The following FBXW11 variants were observed in gnomAD, a reference collection of about 807,000 sequenced individuals.
FBXW11 encodes the protein F-box and WD repeat domain containing 11.
FBXW11 carries 19 observed loss-of-function variants against 77.6 expected under a neutral mutation model. That is an observed-to-expected ratio of 0.24 (90% confidence interval 0.17 to 0.36). The LOEUF (loss-of-function observed/expected upper bound fraction) is 0.36. Among genes scored for constraint, FBXW11 ranks in the 10% least tolerant of loss-of-function variants. FBXW11 has a pLI of 1.00. For synonymous variants in FBXW11, 235 were observed against 249.4 expected (o/e 0.94, Z 0.54); for missense variants, 334 against 704.2 (o/e 0.47, Z 5.95).
At chr5:171,982,828 G>A (rs867931718) in intron 1 of FBXW11, among the ~76,000 whole-genome samples, 3 of 152,062 alleles carry the variant, frequency 2.0e-5, no homozygotes, top group Non-Finnish European at 2.9e-5. Flanking sequence ...CCCGAGGCAC[G>A]ACTCTAATCT....
chr5:171,929,756 G>A (rs190442368), intron 2 of FBXW11, among the ~76,000 whole-genome samples: 1 of 152,302 alleles, frequency 6.6e-6, no homozygotes, highest in Non-Finnish European at 1.5e-5. Flanking sequence ...GGAGGCTGAG[G>A]CAGGAGAATG....
At position 171,873,182 on chromosome 5, in the gene FBXW11, T is replaced by C. The variant is rs745981376; in HGVS notation, c.1222-192A>G. On this transcript the variant is annotated intron_variant, in intron 9 of 13. Coordinates refer to ENST00000517395, the MANE Select transcript of FBXW11 (RefSeq NM_001378974.1). The stretch of plus-strand genomic sequence containing the variant: ...TAAAATTTTCTTGGCTGCTGAGTAA[T>C]AACACTGGAATGAAACACGGAGGGA... 9.2e-5 allele frequency among the ~76,000 whole-genome samples: 14 copies of C among 152,284 alleles called. No individual in the cohort carries two copies. The East Asian group carries it at 1.7e-3, about 19-fold the overall frequency.
intron 13 of FBXW11, among the ~76,000 whole-genome samples, chr5:171,867,184 T>C (rs957996778): frequency 1.3e-5 from 2 of 152,238 alleles, no homozygotes; most frequent in East Asian, 3.9e-4. Flanking sequence ...AGACCAGAAG[T>C]CAGCCAACTT....
intron 2 of FBXW11, among the ~76,000 whole-genome samples, chr5:171,949,580 T>C (rs901048776): frequency 3.3e-5 from 5 of 152,138 alleles, no homozygotes; most frequent in Non-Finnish European, 7.4e-5. Flanking sequence ...GGAGAAGTAT[T>C]TGCAATAAAT....
chr5:171,912,285 T>C (rs893270647), intron 3 of FBXW11, among the ~76,000 whole-genome samples: 1 of 152,212 alleles, frequency 6.6e-6, no homozygotes, highest in Non-Finnish European at 1.5e-5. Context: ...GTTTCTTCCC[T>C]TGTATCTTGG....
chr5:171,862,187 T>C lies in FBXW11; in HGVS notation c.*1940A>G, dbSNP rs1757133646. 1 of 152,436 alleles carries C rather than the reference T, an allele frequency of 6.6e-6. No individual in the cohort carries two copies. Among genetic ancestry groups the C allele is most frequent in the African/African-American group, 2.4e-5 (1 of 41,414 alleles). 9.4% of individuals were successfully genotyped at this position (152,436 alleles called of 1,614,324 possible). A position where few individuals can be genotyped will look rare whatever the true frequency, so the allele number is the denominator to read the frequency against. On this transcript the variant is annotated 3_prime_UTR_variant, in exon 14 of 14. Transcript: ENST00000517395. ...GATATTGAAGCTGTAGGATGAAAAG[T>C]GGTCAAAGCTAAATCACTTTCACAA...
intron 1 of FBXW11, among the ~76,000 whole-genome samples, chr5:171,983,284 G>A (rs1231010518): frequency 2.0e-5 from 3 of 152,156 alleles, no homozygotes; most frequent in African/African-American, 7.2e-5. Context: ...GGGCATGGAA[G>A]CTCTGCCCCA....
chr5:171,933,841 T>C (rs1323300764), intron 2 of FBXW11, among the ~76,000 whole-genome samples: 1 of 151,878 alleles, frequency 6.6e-6, no homozygotes, highest in Non-Finnish European at 1.5e-5. Context: ...CACATGCAAT[T>C]TTCATCTATT....
intron 7 of FBXW11, among the ~76,000 whole-genome samples, chr5:171,888,112 T>C (rs1759041563): frequency 6.6e-6 from 1 of 152,128 alleles, no homozygotes; most frequent in South Asian, 2.1e-4. Context: ...GGGTTTCTTT[T>C]CTCTCTTCTC....
chr5:171,902,935 A>G (rs1313124555), intron 4 of FBXW11, among the ~76,000 whole-genome samples: 1 of 152,110 alleles, frequency 6.6e-6, no homozygotes, highest in Non-Finnish European at 1.5e-5. Context: ...GGGAGTGAAA[A>G]TATGTTGTTT....
chr5:171,956,168 A>C (rs1763599006), intron 2 of FBXW11, among the ~76,000 whole-genome samples: 1 of 152,198 alleles, frequency 6.6e-6, no homozygotes. Context: ...TAGAGACAAA[A>C]ATACACCTAT....
At chr5:171,950,743 C>T (rs1319171175) in intron 2 of FBXW11, among the ~76,000 whole-genome samples, 1 of 152,032 alleles carries the variant, frequency 6.6e-6, no homozygotes, top group African/African-American at 2.4e-5. Flanking sequence ...AAAAATTAGC[C>T]AGGCGTGGTG....
At position 171,897,264 on chromosome 5, in the gene FBXW11, A is replaced by G. The variant is rs370924203; in HGVS notation, c.714+1740T>C. ...ATGCTATTAGTGGTACATTACTTTTATGATTATTACTAGTAGCACATATAT... is the reference window on the plus strand; with the variant it reads ...ATGCTATTAGTGGTACATTACTTTTGTGATTATTACTAGTAGCACATATAT... On this transcript the variant is annotated intron_variant, in intron 6 of 13. Coordinates refer to ENST00000517395, the MANE Select transcript of FBXW11 (RefSeq NM_001378974.1). 1.7e-4 allele frequency among the ~76,000 whole-genome samples: 26 copies of G among 152,358 alleles called. No individual in the cohort carries two copies. The South Asian group carries it at 4.1e-3, about 24-fold the overall frequency.
intron 1 of FBXW11, among the ~76,000 whole-genome samples, chr5:171,961,714 T>A (rs1025221513): frequency 2.0e-5 from 3 of 152,164 alleles, no homozygotes; most frequent in African/African-American, 7.2e-5. Context: ...TGGCATGATC[T>A]TGGCTCACTG....
chr5:171,875,679 G>A (rs1299893405), intron 9 of FBXW11, among the ~76,000 whole-genome samples: 1 of 152,094 alleles, frequency 6.6e-6, no homozygotes, highest in East Asian at 1.9e-4. Context: ...TTGGAATCAG[G>A]ACTGCATTTA....
At chr5:171,864,787 AC>A (rs886820867) in intron 13 of FBXW11, among the ~76,000 whole-genome samples, 6 of 152,242 alleles carry the variant, frequency 3.9e-5, no homozygotes, top group South Asian at 2.1e-4. Flanking sequence ...ACACACACAC[AC>A]AAAAAAACAA....
intron 2 of FBXW11, among the ~76,000 whole-genome samples, chr5:171,918,136 T>C (rs1196281618): frequency 6.6e-6 from 1 of 151,968 alleles, no homozygotes; most frequent in African/African-American, 2.4e-5. Context: ...CCATCATCTT[T>C]CTCAGCCTGC....
At chr5:171,964,866 T>C (rs897052560) in intron 1 of FBXW11, among the ~76,000 whole-genome samples, 2 of 152,230 alleles carry the variant, frequency 1.3e-5, no homozygotes, top group African/African-American at 2.4e-5. Context: ...GGCATTTTAT[T>C]ATAACAGAAT....
chr5:171,878,410 C>A (rs898868156), intron 7 of FBXW11, among the ~76,000 whole-genome samples: 2 of 152,118 alleles, frequency 1.3e-5, no homozygotes, highest in African/African-American at 4.8e-5. Context: ...AAAATAAAAT[C>A]TGTGAAAAGA....
Sources: allele counts gnomAD v4.1 joint callset (sites outside exome capture counted in the v4.1 genomes callset), GRCh38; gene constraint gnomAD v4.1.1; transcripts MANE v1.5; gene names NCBI Gene and HGNC (gene_info 2026-07-23, HGNC 2026-07-21).